The following POU1F1 variants were observed in gnomAD, a reference collection of about 807,000 sequenced individuals.
POU1F1 encodes the protein POU class 1 homeobox 1, also known as pituitary-specific positive transcription factor 1.
Under a neutral mutation model 32.3 loss-of-function variants are expected in POU1F1, and 23 were observed. The observed-to-expected ratio is 0.71, with a 90% confidence interval of 0.51 to 1.01. POU1F1 has a LOEUF of 1.01. POU1F1 is among the 50% of genes least tolerant of loss of function. POU1F1 has a pLI of 0.00. For synonymous variants in POU1F1, 120 were observed against 115.6 expected (o/e 1.04, Z -0.25); for missense variants, 323 against 341.6 (o/e 0.95, Z 0.43).
At chr3:87,273,441 C>A (rs189221434) in intron 1 of POU1F1, 23 bp from the exon 2 acceptor site, 52 of 1,611,240 alleles carry the variant, frequency 3.2e-5, no homozygotes, top group Non-Finnish European at 4.3e-5. Context: ...ACGTTGTCAC[C>A]GAGAAATGTG....
intron 2 of POU1F1, among the ~76,000 whole-genome samples, chr3:87,270,287 A>T (rs1706701278): frequency 1.3e-5 from 2 of 152,202 alleles, no homozygotes; most frequent in South Asian, 4.1e-4. Context: ...CACAACGTAG[A>T]TATGAAGAGA....
Position 87,261,463 on chromosome 3 carries a change from T to A in POU1F1, c.605-130A>T, listed in dbSNP as rs1026047555. On this transcript the variant is annotated intron_variant, in intron 4 of 5. Transcript: ENST00000350375. ...AAATGCTAGACATTTTTGTCTTAAA[T>A]TTTTGCAGTCTTTTTCTATTACAGA... is the stretch of plus-strand genomic sequence containing the variant. 26 of 725,772 alleles carry A rather than the reference T, an allele frequency of 3.6e-5. No homozygotes were observed. The Admixed American group carries it at 7.5e-4, about 21-fold the overall frequency. 45.0% of individuals were successfully genotyped at this position (725,772 alleles called of 1,614,324 possible).
At chr3:87,273,247 T>C in intron 2 of POU1F1, 100 bp downstream of exon 2, 1 of 1,283,480 alleles carries the variant, frequency 7.8e-7, no homozygotes, top group South Asian at 1.3e-5. Flanking sequence ...AGTTAAGAAA[T>C]CAAATTTCAT....
chr3:87,270,146 T>C (rs1227376505), intron 2 of POU1F1, among the ~76,000 whole-genome samples: 2 of 152,148 alleles, frequency 1.3e-5, no homozygotes, highest in African/African-American at 2.4e-5. Flanking sequence ...TTGAATTCTC[T>C]AAGTTCTCAG....
intron 2 of POU1F1, among the ~76,000 whole-genome samples, chr3:87,272,891 G>C (rs538926645): frequency 6.6e-6 from 1 of 152,238 alleles, no homozygotes; most frequent in Non-Finnish European, 1.5e-5. Context: ...TCTGATATGG[G>C]AGTCGCTAGC....
chr3:87,272,782 A>G (rs1453465237), intron 2 of POU1F1, among the ~76,000 whole-genome samples: 2 of 152,168 alleles, frequency 1.3e-5, no homozygotes, highest in Non-Finnish European at 2.9e-5. Flanking sequence ...AGCCCCTACC[A>G]ATCACTCTTA....
chr3:87,270,976 C>T (rs78853154), intron 2 of POU1F1, among the ~76,000 whole-genome samples: 1 of 151,796 alleles, frequency 6.6e-6, no homozygotes, highest in East Asian at 1.9e-4. Flanking sequence ...AGGGATTTAA[C>T]AATCCCTCTC....
chr3:87,270,745 T>C (rs1000136619), intron 2 of POU1F1, among the ~76,000 whole-genome samples: 3 of 152,246 alleles, frequency 2.0e-5, no homozygotes, highest in African/African-American at 7.2e-5. Flanking sequence ...AAGGTTTCTA[T>C]TGTGTACTTT....
intron 4 of POU1F1, among the ~76,000 whole-genome samples, chr3:87,261,629 G>T (rs1026565959): frequency 5.3e-5 from 8 of 152,072 alleles, no homozygotes; most frequent in African/African-American, 9.7e-5. Flanking sequence ...TCTGACATTT[G>T]TATGAGTAGA....
At chr3:87,260,423 C>T (rs1405212256) in intron 5 of POU1F1, among the ~76,000 whole-genome samples, 1 of 152,168 alleles carries the variant, frequency 6.6e-6, no homozygotes, top group Non-Finnish European at 1.5e-5. Flanking sequence ...TTTTCCTAGA[C>T]ATTTCTAAAT....
In POU1F1 at chr3:87,273,667, T is replaced by C. The variant is rs3828365; in HGVS notation, c.143-249A>G. Among the ~76,000 whole-genome samples, 435 of 152,276 alleles carry C rather than the reference T, an allele frequency of 2.9e-3. 3 individuals carry two copies. The highest frequency in any genetic ancestry group is 3.3e-3 in the South Asian group (16 of 4,820). On this transcript the variant is annotated intron_variant, in intron 1 of 5. Coordinates refer to ENST00000350375, the MANE Select transcript of POU1F1 (RefSeq NM_000306.4). ...AAGTTTGTCTCATGTAACGAGATAA[T>C]AAATCATCAAAACGGACTTCATTAA...
chr3:87,260,160 G>T, intron 5 of POU1F1, 56 bp from the exon 6 acceptor site: 1 of 1,436,842 alleles, frequency 7.0e-7, no homozygotes, highest in Non-Finnish European at 9.7e-7. Context: ...GAAGTTTTTG[G>T]CAGCTCAAAA....
chr3:87,259,770 AG>A lies in POU1F1; in HGVS notation c.*123del, dbSNP rs1706470782. 10 of 783,010 alleles carry A rather than the reference AG, an allele frequency of 1.3e-5. No individual in the cohort carries two copies. The highest frequency in any genetic ancestry group is 1.8e-5 in the African/African-American group (1 of 56,522). The allele number at this position is 783,010 out of a possible 1,614,324, so 48.5% of individuals were successfully genotyped here. A position where few individuals can be genotyped will look rare whatever the true frequency, so the allele number is the denominator to read the frequency against. On this transcript the variant is annotated 3_prime_UTR_variant, in exon 6 of 6. Transcript: ENST00000350375. ...TCTTTTTTTTAAAAAAAAGTGGAAAAGTAAAGCTTCTGTAAAAGCTATTGAT... is the reference window on the plus strand; with the variant it reads ...TCTTTTTTTTAAAAAAAAGTGGAAAATAAAGCTTCTGTAAAAGCTATTGAT...
At chr3:87,267,825 C>G (rs1402922457) in intron 2 of POU1F1, among the ~76,000 whole-genome samples, 2 of 151,998 alleles carry the variant, frequency 1.3e-5, no homozygotes, top group East Asian at 1.9e-4. Context: ...AGGCTGGTCT[C>G]AAAACTCCTG....
chr3:87,260,189 C>G, intron 5 of POU1F1, 85 bp from the exon 6 acceptor site: 3 of 1,026,170 alleles, frequency 2.9e-6, no homozygotes, highest in Non-Finnish European at 4.5e-6. Flanking sequence ...GGTTGAATTT[C>G]CTCAATATTA....
intron 3 of POU1F1, among the ~76,000 whole-genome samples, chr3:87,262,666 A>G (rs559337241): frequency 6.6e-6 from 1 of 152,178 alleles, no homozygotes; most frequent in East Asian, 1.9e-4. Context: ...TCTTATTTCA[A>G]CTCTAAAAGA....
chr3:87,264,998 T>C (rs1490201609), intron 2 of POU1F1, among the ~76,000 whole-genome samples: 1 of 152,074 alleles, frequency 6.6e-6, no homozygotes, highest in Non-Finnish European at 1.5e-5. Context: ...GATTGGGAAA[T>C]TGATTTCACA....
chr3:87,268,935 A>G (rs748061305), intron 2 of POU1F1, among the ~76,000 whole-genome samples: 13 of 152,292 alleles, frequency 8.5e-5, no homozygotes, highest in South Asian at 2.1e-4. Context: ...CGCTGACTCA[A>G]TGTACCATAG....
chr3:87,276,224 T>G (rs181780413), intron 1 of POU1F1, 97 bp downstream of exon 1: 3 of 1,468,718 alleles, frequency 2.0e-6, no homozygotes, highest in Admixed American at 3.4e-5. Flanking sequence ...AGGGGTAAAA[T>G]GAAAGATGCA....
Sources: gnomAD v4.1 joint callset for allele counts (sites outside exome capture counted in the v4.1 genomes callset) on GRCh38, gnomAD v4.1.1 for gene constraint, MANE v1.5 for transcripts, NCBI Gene and HGNC (gene_info 2026-07-23, HGNC 2026-07-21) for gene names.